Variants in DKK3 observed in about 807,000 individuals in gnomAD.
DKK3 encodes the protein dickkopf-related protein 3.
Under a neutral mutation model 33.2 loss-of-function variants are expected in DKK3, and 22 were observed. That is an observed-to-expected ratio of 0.66 (90% CI 0.47 to 0.95). DKK3 has a LOEUF of 0.95. DKK3 is among the 40% of genes least tolerant of loss of function. DKK3 has a pLI of 0.00. For missense variants in DKK3, 398 were observed against 458.4 expected (o/e 0.87, Z 1.20); for synonymous variants, 194 against 188.8 (o/e 1.03, Z -0.23).
intron 3 of DKK3, among the ~76,000 whole-genome samples, chr11:11,984,194 T>C (rs991679723): frequency 6.6e-6 from 1 of 152,162 alleles, no homozygotes; most frequent in African/African-American, 2.4e-5. Flanking sequence ...CAGAGTTAGA[T>C]GAATAAAGGT....
At chr11:11,993,695 T>C (rs912799698) in intron 3 of DKK3, among the ~76,000 whole-genome samples, 3 of 152,250 alleles carry the variant, frequency 2.0e-5, no homozygotes, top group African/African-American at 7.2e-5. Flanking sequence ...GCCTTATATT[T>C]AGACATAAAT....
chr11:11,967,828 T>C (rs1399035614), intron 4 of DKK3, among the ~76,000 whole-genome samples: 1 of 152,226 alleles, frequency 6.6e-6, no homozygotes, highest in Non-Finnish European at 1.5e-5. Context: ...GGCAGTGCCC[T>C]GGCCTCTTCT....
At chr11:11,982,517 T>G (rs985144691) in intron 3 of DKK3, among the ~76,000 whole-genome samples, 17 of 152,304 alleles carry the variant, frequency 1.1e-4, no homozygotes, top group Non-Finnish European at 2.2e-4. Context: ...TTCATCCATA[T>G]CCTGCATCTC....
chr11:11,993,866 T>C (rs1458659901), intron 3 of DKK3, among the ~76,000 whole-genome samples: 5 of 152,174 alleles, frequency 3.3e-5, no homozygotes, highest in Admixed American at 3.3e-4. Context: ...CCTTGCCAAC[T>C]TGGGGCCCCA....
At chr11:11,983,009 G>A (rs1349562200) in intron 3 of DKK3, among the ~76,000 whole-genome samples, 1 of 152,182 alleles carries the variant, frequency 6.6e-6, no homozygotes, top group African/African-American at 2.4e-5. Context: ...GGGACAGGGT[G>A]GAAGCGCATG....
At chr11:12,009,735 C>T (rs1848617973), upstream of DKK3, 5 of 985,638 alleles carry the variant, frequency 5.1e-6, no homozygotes, top group Non-Finnish European at 6.0e-6. Context: ...CCTTAGTCTG[C>T]CGTGATTGAC....
intron 1 of DKK3, 124 bp from the exon 2 acceptor site, chr11:12,002,561 TATTA>T (rs1177461580): frequency 3.8e-5 from 39 of 1,032,472 alleles, no homozygotes; most frequent in African/African-American, 9.6e-5. Context: ...TGATAGGTGC[TATTA>T]ATTGAGTACT....
At chr11:12,008,725 C>G, upstream of DKK3, 1 of 1,210,356 alleles carries the variant, frequency 8.3e-7, no homozygotes, top group Non-Finnish European at 1.0e-6. This position sits in a 1 kb window ranked among gnomAD's most constrained non-coding sequence, Gnocchi z 4.6. Flanking sequence ...CGCACCCGCC[C>G]GGAGACGGGA....
intron 1 of DKK3, among the ~76,000 whole-genome samples, chr11:12,005,529 A>G (rs1383406653): frequency 6.6e-6 from 1 of 152,206 alleles, no homozygotes; most frequent in Non-Finnish European, 1.5e-5. Context: ...GAATAGTAAC[A>G]CAGGAAAGTA....
At chr11:11,984,280 T>C (rs1848018003) in intron 3 of DKK3, among the ~76,000 whole-genome samples, 1 of 152,236 alleles carries the variant, frequency 6.6e-6, no homozygotes, top group African/African-American at 2.4e-5. Flanking sequence ...CAGTATTTTA[T>C]GGGCTTCTTA....
intron 1 of DKK3, among the ~76,000 whole-genome samples, chr11:12,005,732 C>T (rs1026904122): frequency 6.6e-6 from 1 of 152,090 alleles, no homozygotes; most frequent in African/African-American, 2.4e-5. Flanking sequence ...TGGCCCAGGT[C>T]CTTTTTGATT....
chr11:11,990,895 G>T (rs1383627516), intron 3 of DKK3, among the ~76,000 whole-genome samples: 1 of 152,170 alleles, frequency 6.6e-6, no homozygotes, highest in African/African-American at 2.4e-5. Flanking sequence ...AAGTGTGAAG[G>T]GTCTAAGATT....
At chr11:12,000,004 T>C (rs1336181337) in intron 2 of DKK3, among the ~76,000 whole-genome samples, 2 of 152,220 alleles carry the variant, frequency 1.3e-5, no homozygotes, top group Non-Finnish European at 2.9e-5. Flanking sequence ...AATTAACCAA[T>C]GTCATATTTT....
intron 3 of DKK3, among the ~76,000 whole-genome samples, chr11:11,970,488 A>C (rs1847701031): frequency 6.6e-6 from 1 of 152,224 alleles, no homozygotes; most frequent in African/African-American, 2.4e-5. Context: ...TGGTGGGTGG[A>C]ATAACAGCAC....
intron 3 of DKK3, among the ~76,000 whole-genome samples, chr11:11,992,121 G>T (rs1479301193): frequency 6.6e-6 from 1 of 152,198 alleles, no homozygotes; most frequent in Non-Finnish European, 1.5e-5. Context: ...GATAGCCAAG[G>T]ATTGGGCTAC....
chr11:11,968,690 G>A (rs573613707), intron 3 of DKK3: 2 of 505,774 alleles, frequency 4.0e-6, no homozygotes, highest in Non-Finnish European at 7.0e-6. Flanking sequence ...TAGGAGGCTT[G>A]GCAGCCCAGA....
intron 3 of DKK3, among the ~76,000 whole-genome samples, chr11:11,969,709 G>A (rs540980058): frequency 6.2e-4 from 95 of 152,284 alleles, no homozygotes; most frequent in African/African-American, 2.1e-3. Flanking sequence ...AGCCCCACCT[G>A]GAAGAGCCTG....
Position 11,965,636 on chromosome 11 carries a change from A to G in DKK3, c.830+173T>C, listed in dbSNP as rs191282963. On this transcript the variant is annotated intron_variant, in intron 6 of 6. Transcript: ENST00000683431. ...TGGGCAGCCTGGGCTCCAGACCCCT[A>G]GAACCGACTGCTGATTGGACCCTTC... Among the ~76,000 whole-genome samples the G allele has an allele frequency of 7.5e-3, 1,138 of 151,928 alleles. 18 individuals are homozygous for G. Among genetic ancestry groups the G allele is most frequent in the African/African-American group, 0.026 (1,094 of 41,462 alleles).
upstream of DKK3, chr11:12,009,076 G>C: frequency 1.0e-6 from 1 of 985,406 alleles, no homozygotes; most frequent in South Asian, 4.7e-5. Flanking sequence ...CCCTCCCCTT[G>C]GCGTCGGGTC....
Sources: allele counts gnomAD v4.1 joint callset (sites outside exome capture counted in the v4.1 genomes callset), GRCh38; gene constraint gnomAD v4.1.1; non-coding constraint Gnocchi (gnomAD v3.1); transcripts MANE v1.5; gene names NCBI Gene and HGNC (gene_info 2026-07-23, HGNC 2026-07-21).